VSTM2L: variants seen among roughly 807,000 people sequenced by gnomAD.
The protein encoded by VSTM2L is V-set and transmembrane domain containing 2 like.
VSTM2L carries 9 observed loss-of-function variants against 19.9 expected under a neutral mutation model. That is an observed-to-expected ratio of 0.45 (90% CI 0.27 to 0.79). VSTM2L has a LOEUF of 0.79. Ranked by LOEUF, VSTM2L falls within the 30% of genes least tolerant of loss-of-function variation. VSTM2L has a pLI of 0.15. For missense variants in VSTM2L, 286 were observed against 295.5 expected (o/e 0.97, Z 0.24); for synonymous variants, 127 against 133.8 (o/e 0.95, Z 0.35).
chr20:37,909,198 G>A (rs986839331), intron 1 of VSTM2L, among the ~76,000 whole-genome samples: 4 of 152,210 alleles, frequency 2.6e-5, no homozygotes, highest in Admixed American at 6.5e-5. Flanking sequence ...GCAGCAGTGG[G>A]AACAGAATGC....
At chr20:37,934,647 G>C (rs954227046) in intron 3 of VSTM2L, among the ~76,000 whole-genome samples, 13 of 152,138 alleles carry the variant, frequency 8.5e-5, no homozygotes, top group African/African-American at 2.9e-4. Context: ...AGGACCCCAA[G>C]GCCAATTTGA....
At chr20:37,929,347 C>A (rs2072895966) in intron 1 of VSTM2L, among the ~76,000 whole-genome samples, 1 of 152,282 alleles carries the variant, frequency 6.6e-6, no homozygotes, top group Non-Finnish European at 1.5e-5. Flanking sequence ...GAGGCCAACA[C>A]TGGAGGGAAT....
At chr20:37,924,109 C>A (rs2072867057) in intron 1 of VSTM2L, among the ~76,000 whole-genome samples, 1 of 152,094 alleles carries the variant, frequency 6.6e-6, no homozygotes, top group Non-Finnish European at 1.5e-5. Context: ...TAGTGGCATG[C>A]ACCTGTACTC....
intron 1 of VSTM2L, among the ~76,000 whole-genome samples, chr20:37,906,224 C>T (rs891435669): frequency 6.6e-6 from 1 of 152,118 alleles, no homozygotes; most frequent in African/African-American, 2.4e-5. Flanking sequence ...TCAGATGGGT[C>T]AGAAAGGACA....
intron 1 of VSTM2L, among the ~76,000 whole-genome samples, chr20:37,904,304 C>T (rs117546270): frequency 0.015 from 2,260 of 152,302 alleles, 32 homozygotes; most frequent in Middle Eastern, 0.037. Flanking sequence ...GGCAGGAAGC[C>T]GTGCCATCCT....
intron 1 of VSTM2L, among the ~76,000 whole-genome samples, chr20:37,929,521 T>C (rs2072896917): frequency 1.3e-5 from 2 of 152,198 alleles, no homozygotes; most frequent in South Asian, 2.1e-4. Flanking sequence ...GGACTGTGGC[T>C]GTTACTGTGG....
chr20:37,939,429 AAAAGAAAG>A (rs531690149), intron 3 of VSTM2L, among the ~76,000 whole-genome samples: 2 of 152,186 alleles, frequency 1.3e-5, no homozygotes, highest in Non-Finnish European at 2.9e-5. Flanking sequence ...AAAAAAAAGA[AAAAGAAAG>A]AAAGAACGAA....
chr20:37,903,937 A>G (rs539850157), intron 1 of VSTM2L, among the ~76,000 whole-genome samples: 1 of 152,154 alleles, frequency 6.6e-6, no homozygotes, highest in East Asian at 1.9e-4. Flanking sequence ...CTGCAGACAC[A>G]CTGGTGCGCG....
intron 1 of VSTM2L, among the ~76,000 whole-genome samples, chr20:37,905,694 C>G (rs2072747999): frequency 6.6e-6 from 1 of 152,168 alleles, no homozygotes; most frequent in Non-Finnish European, 1.5e-5. Context: ...GCTGCCTTCC[C>G]CCGACATTGC....
intron 1 of VSTM2L, among the ~76,000 whole-genome samples, chr20:37,927,247 G>A (rs1449837733): frequency 2.0e-5 from 3 of 152,240 alleles, no homozygotes; most frequent in Non-Finnish European, 2.9e-5. Context: ...TTACAGGCAT[G>A]AGCCACCGTG....
At chr20:37,935,635 C>T (rs919029257) in intron 3 of VSTM2L, among the ~76,000 whole-genome samples, 6 of 152,122 alleles carry the variant, frequency 3.9e-5, no homozygotes, top group Non-Finnish European at 8.8e-5. Context: ...ACCCAGCTGG[C>T]GCCCCTCCCA....
intron 1 of VSTM2L, among the ~76,000 whole-genome samples, chr20:37,914,445 ATGTGTGTGTG>A (rs1296023688): frequency 1.6e-5 from 2 of 127,028 alleles, no homozygotes; most frequent in Admixed American, 7.8e-5. Context: ...GTGTATGTGT[ATGTGTGTGTG>A]TATTGTGTGT....
In VSTM2L at chr20:37,933,575, G is replaced by A. The variant is rs1283817433; in HGVS notation, c.328G>A (p.Ala110Thr). Residue 110 changes from alanine (A) to threonine (T), a missense_variant, in exon 3 of 4, where the codon GCA (alanine) becomes ACA (threonine). Transcript: ENST00000373461. ...TCAGCAGGAAGACGCAGGGAAGGAG[G>A]CAACCAAAATAAGTGTGAGTTTTGA... ...ASQQEDAGKE[A>T]TKISVVKVVG... 1.7e-5 allele frequency: 27 copies of A among 1,613,924 alleles called. No individual in the cohort carries two copies. The highest frequency in any genetic ancestry group is 2.3e-5 in the Non-Finnish European group (27 of 1,179,994).
Position 37,944,618 on chromosome 20 carries a change from G to A in VSTM2L, c.*365G>A, listed in dbSNP as rs1015718557. 146 of 1,037,474 alleles carry A rather than the reference G, an allele frequency of 1.4e-4. No homozygotes were observed. Among genetic ancestry groups the A allele is most frequent in the South Asian group, 1.8e-4 (4 of 21,804 alleles). 64.3% of individuals were successfully genotyped at this position (1,037,474 alleles called of 1,614,324 possible). ...CTTGTCCCCCATCCTGTCCTGAGCC[G>A]GGGCCCCCCAGCCTCGCCTCCCTCC... On this transcript the variant is annotated 3_prime_UTR_variant, in exon 4 of 4. Transcript: ENST00000373461.
At position 37,931,559 on chromosome 20, in the gene VSTM2L, A is replaced by C. The variant is rs1568840900; in HGVS notation, c.122-76A>C. On this transcript the variant is annotated intron_variant, in intron 1 of 3. Coordinates refer to ENST00000373461, the MANE Select transcript of VSTM2L (RefSeq NM_080607.3). ...CCGCCGTGCAGGGCCAGCTGTTCCT[A>C]CGTTCTCCACCTCCTTCACCCACTA... The C allele has an allele frequency of 1.0e-5, 15 of 1,504,206 alleles. No homozygotes were observed. In the South Asian group the frequency reaches 1.9e-4, roughly 19 times the overall value. 93.2% of individuals were successfully genotyped at this position (1,504,206 alleles called of 1,614,324 possible).
chr20:37,914,721 T>TCC (rs1312679332), intron 1 of VSTM2L, among the ~76,000 whole-genome samples: 1 of 152,050 alleles, frequency 6.6e-6, no homozygotes, highest in Non-Finnish European at 1.5e-5. Context: ...GGCATCGGGC[T>TCC]CCCATTCAAC....
At chr20:37,919,901 G>A (rs2072841039) in intron 1 of VSTM2L, among the ~76,000 whole-genome samples, 1 of 152,200 alleles carries the variant, frequency 6.6e-6, no homozygotes, top group South Asian at 2.1e-4. Flanking sequence ...GTGAAATGGG[G>A]CTGATAATAG....
At chr20:37,906,423 T>A (rs1326216915) in intron 1 of VSTM2L, among the ~76,000 whole-genome samples, 1 of 152,198 alleles carries the variant, frequency 6.6e-6, no homozygotes, top group Non-Finnish European at 1.5e-5. Flanking sequence ...GATTTTTTCT[T>A]ATCAGAAAAT....
intron 3 of VSTM2L, among the ~76,000 whole-genome samples, chr20:37,938,449 C>T (rs2072952730): frequency 6.6e-6 from 1 of 152,148 alleles, no homozygotes; most frequent in Admixed American, 6.5e-5. Context: ...CAGCACCTTC[C>T]CTGGGGCCTC....
Sources: allele counts gnomAD v4.1 joint callset (sites outside exome capture counted in the v4.1 genomes callset), GRCh38; gene constraint gnomAD v4.1.1; transcripts MANE v1.5; gene names NCBI Gene and HGNC (gene_info 2026-07-23, HGNC 2026-07-21).